RANBP2: variants seen among roughly 807,000 people sequenced by gnomAD.
The protein encoded by RANBP2 is RAN binding protein 2.
RANBP2 carries 57 observed loss-of-function variants against 303.6 expected under a neutral mutation model. The observed-to-expected ratio is 0.19, with a 90% CI of 0.15 to 0.23. The LOEUF (loss-of-function observed/expected upper bound fraction) is 0.23, where lower values mean the gene tolerates loss of function less well. RANBP2 is among the 10% of genes least tolerant of loss of function. The probability of loss-of-function intolerance (pLI) is 1.00; values close to 1 mark genes in which losing one functional copy is unlikely to be tolerated. For missense variants in RANBP2, 3,138 were observed against 3,780.8 expected (o/e 0.83, Z 4.46); for synonymous variants, 1,167 against 1,301.5 (o/e 0.90, Z 2.23).
the RANBP2 span, among the ~76,000 whole-genome samples, chr2:109,577,238 AT>A: frequency 1.4e-4 from 22 of 152,336 alleles, no homozygotes; most frequent in Non-Finnish European, 2.6e-4. Context: ...CGACACAGAA[AT>A]TTTTGGTTAA....
chr2:109,436,907 G>A, the RANBP2 span: 1 of 1,613,448 alleles, frequency 6.2e-7, no homozygotes, highest in Non-Finnish European at 8.5e-7. Flanking sequence ...CCTGCAGGAG[G>A]GGCAGGGCCG....
chr2:108,955,974 A>G, the RANBP2 span, among the ~76,000 whole-genome samples: 1 of 152,344 alleles, frequency 6.6e-6, no homozygotes, highest in East Asian at 1.9e-4. Context: ...GCTTGCAGTG[A>G]GCCGAGATGG....
chr2:109,371,008 T>A, the RANBP2 span, among the ~76,000 whole-genome samples: 1 of 152,242 alleles, frequency 6.6e-6, no homozygotes, highest in South Asian at 2.1e-4. Flanking sequence ...AAATAAATAA[T>A]AGGAGTTGCA....
At chr2:108,774,531 T>C (rs1464340250) in intron 23 of RANBP2, among the ~76,000 whole-genome samples, 1 of 152,194 alleles carries the variant, frequency 6.6e-6, no homozygotes, top group African/African-American at 2.4e-5. Context: ...TCTGTATTGC[T>C]GTTTTCTGGA....
At chr2:109,512,127 T>C in the RANBP2 span, among the ~76,000 whole-genome samples, 2 of 152,164 alleles carry the variant, frequency 1.3e-5, no homozygotes, top group African/African-American at 4.8e-5. Context: ...CCAAACACTT[T>C]TAGGGGGCTT....
At chr2:108,941,134 C>A in the RANBP2 span, among the ~76,000 whole-genome samples, 2 of 152,200 alleles carry the variant, frequency 1.3e-5, no homozygotes, top group East Asian at 1.9e-4. Flanking sequence ...AATATAATAC[C>A]TGTGATGCGT....
chr2:109,564,367 T>C, the RANBP2 span: 7 of 1,553,596 alleles, frequency 4.5e-6, no homozygotes, highest in Admixed American at 3.7e-5. Flanking sequence ...CCACCCTACC[T>C]GACTGGCTTG....
chr2:109,253,920 C>A, the RANBP2 span, among the ~76,000 whole-genome samples: 168 of 152,160 alleles, frequency 1.1e-3, 1 homozygote, highest in African/African-American at 3.8e-3. Context: ...GCATGGAAGT[C>A]TTTAATTCCC....
At chr2:109,280,460 G>A in the RANBP2 span, among the ~76,000 whole-genome samples, 6 of 152,280 alleles carry the variant, frequency 3.9e-5, no homozygotes, top group South Asian at 2.1e-4. Flanking sequence ...GAAGGGGAGC[G>A]GTGGGGAATC....
chr2:109,408,551 C>T, the RANBP2 span, among the ~76,000 whole-genome samples: 2 of 152,230 alleles, frequency 1.3e-5, no homozygotes, highest in South Asian at 2.1e-4. Context: ...GCTCTCAGGA[C>T]CTCGTCCTCC....
At chr2:108,810,746 G>A in the RANBP2 span, among the ~76,000 whole-genome samples, 1 of 152,276 alleles carries the variant, frequency 6.6e-6, no homozygotes, top group African/African-American at 2.4e-5. Flanking sequence ...TTCTTTAAAA[G>A]TTTTAATTCA....
the RANBP2 span, among the ~76,000 whole-genome samples, chr2:109,670,392 A>C: frequency 6.7e-6 from 1 of 149,736 alleles, no homozygotes; most frequent in East Asian, 2.0e-4. Flanking sequence ...TGGGGATACT[A>C]TCTGGGGTTG....
the RANBP2 span, chr2:109,501,871 C>G: frequency 1.8e-6 from 1 of 552,948 alleles, no homozygotes; most frequent in Non-Finnish European, 3.2e-6. Context: ...GAGAGCACAC[C>G]TGGGATGTTC....
the RANBP2 span, among the ~76,000 whole-genome samples, chr2:109,728,696 AC>A: frequency 6.6e-6 from 1 of 150,750 alleles, no homozygotes. Flanking sequence ...CTTATGATCC[AC>A]CTGCCTTGGC....
the RANBP2 span, among the ~76,000 whole-genome samples, chr2:108,964,319 G>A: frequency 6.6e-6 from 1 of 152,072 alleles, no homozygotes; most frequent in Admixed American, 6.5e-5. Flanking sequence ...CCCCTGCCAG[G>A]TCATCTGGAC....
At chr2:108,861,128 T>C in the RANBP2 span, among the ~76,000 whole-genome samples, 1 of 151,608 alleles carries the variant, frequency 6.6e-6, no homozygotes, top group South Asian at 2.1e-4. Flanking sequence ...CATAGTAGTC[T>C]CTGAGGATTT....
the RANBP2 span, among the ~76,000 whole-genome samples, chr2:109,719,569 G>C: frequency 6.6e-6 from 1 of 151,552 alleles, no homozygotes; most frequent in Non-Finnish European, 1.5e-5. Context: ...ACTACACCCA[G>C]CTTATTTTTG....
At chr2:109,094,781 G>A in the RANBP2 span, among the ~76,000 whole-genome samples, 42 of 152,266 alleles carry the variant, frequency 2.8e-4, no homozygotes, top group African/African-American at 9.9e-4. Flanking sequence ...GGTGAGCCGA[G>A]ATCATGTCAT....
chr2:109,615,004 C>A, the RANBP2 span: 9 of 1,544,348 alleles, frequency 5.8e-6, no homozygotes, highest in East Asian at 4.9e-5. Flanking sequence ...GCCCCGGGGC[C>A]CAGCGAGGAC....
Sources: allele counts gnomAD v4.1 joint callset (sites outside exome capture counted in the v4.1 genomes callset), GRCh38; gene constraint gnomAD v4.1.1; transcripts MANE v1.5; gene names NCBI Gene and HGNC (gene_info 2026-07-23, HGNC 2026-07-21).